The following RCC2 variants were observed in gnomAD, a reference collection of about 807,000 sequenced individuals.
The protein encoded by RCC2 is protein RCC2.
In RCC2, 19 loss-of-function variants were observed where a neutral mutation model predicts 64.1. The observed-to-expected ratio is 0.30, with a 90% CI of 0.21 to 0.44. The LOEUF is 0.44. Among genes scored for constraint, RCC2 ranks in the 20% least tolerant of loss-of-function variants. The probability of loss-of-function intolerance (pLI) is 1.00; values close to 1 mark genes in which losing one functional copy is unlikely to be tolerated. For missense variants in RCC2, 508 were observed against 710.4 expected (o/e 0.72, Z 3.24); for synonymous variants, 325 against 279.6 (o/e 1.16, Z -1.62).
At chr1:17,423,924 G>C (rs1379343895) in intron 4 of RCC2, among the ~76,000 whole-genome samples, 1 of 152,214 alleles carries the variant, frequency 6.6e-6, no homozygotes, top group South Asian at 2.1e-4. Context: ...AAGGAATTGC[G>C]ACGAAGGGAA....
At chr1:17,430,268 G>C (rs1031363509) in intron 2 of RCC2, among the ~76,000 whole-genome samples, 9 of 152,218 alleles carry the variant, frequency 5.9e-5, no homozygotes, top group African/African-American at 2.2e-4. Context: ...TGTAATCCCA[G>C]CACTTTGGAA....
intron 1 of RCC2, 155 bp from the exon 2 acceptor site, chr1:17,438,677 G>A (rs887962153): frequency 2.9e-6 from 2 of 699,440 alleles, no homozygotes; most frequent in Non-Finnish European, 2.0e-6. Flanking sequence ...AGTTGGGAGA[G>A]GAAATCGCGC....
intron 2 of RCC2, among the ~76,000 whole-genome samples, chr1:17,431,362 ATAT>A (rs2075677699): frequency 2.2e-5 from 1 of 44,852 alleles, no homozygotes; most frequent in Non-Finnish European, 4.6e-5. Flanking sequence ...AAAAAAAAAT[ATAT>A]ATATATATAT....
At chr1:17,432,882 C>T (rs1405377101) in intron 2 of RCC2, among the ~76,000 whole-genome samples, 2 of 152,054 alleles carry the variant, frequency 1.3e-5, no homozygotes, top group Non-Finnish European at 2.9e-5. Flanking sequence ...GGCATGAACC[C>T]GGGAGGCGGG....
intron 2 of RCC2, among the ~76,000 whole-genome samples, chr1:17,436,101 TA>T (rs2075733063): frequency 6.6e-6 from 1 of 152,198 alleles, no homozygotes. Context: ...AAGGAAGATG[TA>T]GCTTTTAGAG....
At chr1:17,418,868 G>A (rs561367171) in intron 7 of RCC2, among the ~76,000 whole-genome samples, 49 of 152,244 alleles carry the variant, frequency 3.2e-4, no homozygotes, top group Middle Eastern at 3.4e-3. Flanking sequence ...ATTTGCTATC[G>A]ACACAGTGGA....
At chr1:17,410,904 T>G (rs1163551164) in intron 11 of RCC2, among the ~76,000 whole-genome samples, 2 of 152,146 alleles carry the variant, frequency 1.3e-5, no homozygotes, top group East Asian at 3.9e-4. Context: ...CCAGAAAACA[T>G]CCTTCCTCCT....
chr1:17,419,754 C>T (rs1180519796), intron 7 of RCC2, among the ~76,000 whole-genome samples: 2 of 152,154 alleles, frequency 1.3e-5, no homozygotes, highest in African/African-American at 2.4e-5. Flanking sequence ...GCAGCAGGAG[C>T]GCGCACGTGG....
rs376910701 is a variant in RCC2, at chr1:17,420,802, G to C, written c.771C>G (p.Thr257=). 6.2e-7 allele frequency: 1 copy of C among 1,609,014 alleles called. No homozygotes were observed. The change falls in exon 7 of 13, where the codon ACC becomes ACG. Residue 257 remains threonine, a synonymous_variant. Coordinates refer to ENST00000375436, the MANE Select transcript of RCC2 (RefSeq NM_018715.4). The part of the protein sequence containing the change: ...AQIMYNGQPI[T]KMACGAEFSM... ...TGAATTCAGCCCCACAGGCCATTTT[G>C]GTAATTGGCTGGCCGTTGTACATTA...
intron 4 of RCC2, among the ~76,000 whole-genome samples, chr1:17,425,173 A>G (rs1160007188): frequency 6.6e-6 from 1 of 152,144 alleles, no homozygotes; most frequent in Non-Finnish European, 1.5e-5. Context: ...GTCTCATGTC[A>G]TATCGTGCCT....
At chr1:17,435,870 A>G (rs1413868045) in intron 2 of RCC2, among the ~76,000 whole-genome samples, 1 of 150,936 alleles carries the variant, frequency 6.6e-6, no homozygotes, top group East Asian at 2.0e-4. Flanking sequence ...GTGAGCTGAG[A>G]TCGCAACATT....
At chr1:17,422,915 C>T (rs2075570984) in intron 4 of RCC2, 79 bp from the exon 5 acceptor site, 1 of 1,556,512 alleles carries the variant, frequency 6.4e-7, no homozygotes, top group Non-Finnish European at 8.8e-7. Context: ...AGTACAAACA[C>T]ACTCTCAAAT....
chr1:17,408,866 T>C lies in RCC2; in HGVS notation c.*224A>G, dbSNP rs2075394508. The C allele has an allele frequency of 2.0e-6, 1 of 500,218 alleles. No individual in the cohort carries two copies. The highest frequency in any genetic ancestry group is 3.6e-6 in the Non-Finnish European group (1 of 281,436). The allele number at this position is 500,218 out of a possible 1,614,324, so 31.0% of individuals were successfully genotyped here. On this transcript the variant is annotated 3_prime_UTR_variant, in exon 13 of 13. Coordinates refer to ENST00000375436, the MANE Select transcript of RCC2 (RefSeq NM_018715.4). Reference sequence around the variant, plus strand: ...TGGTAAATCAACTATGAGCAAGTATTTTAATTCAACATTAAGGGAAAAAAA... The same window carrying C: ...TGGTAAATCAACTATGAGCAAGTATCTTAATTCAACATTAAGGGAAAAAAA...
rs2075766506 is a variant in RCC2, at chr1:17,438,396, TCGGGCCGCTCGCGCTTCCTGCCCGC to T, written c.94_118del (p.Ala32SerfsTer68). On this transcript the variant is annotated frameshift_variant, in exon 2 of 13. Transcript: ENST00000375436. LOFTEE classifies it high-confidence loss of function. ...GCCGCCGCTGCTGCTACTGCAGCGCTCGGGCCGCTCGCGCTTCCTGCCCGCCGGGCCGCCGCGTTTCCTGGGCCCG... is the reference window on the plus strand; with the variant it reads ...GCCGCCGCTGCTGCTACTGCAGCGCTCGGGCCGCCGCGTTTCCTGGGCCCG... 7.9e-7 allele frequency: 1 copy of T among 1,259,634 alleles called. No homozygotes were observed. Among genetic ancestry groups the T allele is most frequent in the Non-Finnish European group, 9.9e-7 (1 of 1,006,396 alleles). 78.0% of individuals were successfully genotyped at this position (1,259,634 alleles called of 1,614,324 possible). A position where few individuals can be genotyped will look rare whatever the true frequency, so the allele number is the denominator to read the frequency against.
chr1:17,438,552 A>G (rs750906813), intron 1 of RCC2, 30 bp from the exon 2 acceptor site: 5 of 1,300,558 alleles, frequency 3.8e-6, no homozygotes, highest in Non-Finnish European at 4.9e-6. Flanking sequence ...AGCGGCGCAC[A>G]ATGGACGGGT....
intron 7 of RCC2, 135 bp downstream of exon 7, chr1:17,420,578 TC>T: frequency 9.8e-6 from 5 of 512,414 alleles, no homozygotes; most frequent in South Asian, 4.2e-5. Context: ...GAACGTGAGA[TC>T]CACTTAACGG....
At chr1:17,410,767 A>G (rs1265255035) in intron 11 of RCC2, among the ~76,000 whole-genome samples, 5 of 152,096 alleles carry the variant, frequency 3.3e-5, no homozygotes, top group Non-Finnish European at 5.9e-5. Flanking sequence ...CTTCCCACAC[A>G]GTAGATGTTC....
intron 6 of RCC2, among the ~76,000 whole-genome samples, chr1:17,421,119 A>G (rs1294310129): frequency 6.6e-6 from 1 of 152,108 alleles, no homozygotes; most frequent in African/African-American, 2.4e-5. Context: ...CTAGACCACT[A>G]ATTAGGCACT....
intron 2 of RCC2, among the ~76,000 whole-genome samples, chr1:17,431,512 AAAAAAAAAAGAAAGAAAGAAAAAG>A (rs1432640223): frequency 6.9e-6 from 1 of 144,342 alleles, no homozygotes; most frequent in Non-Finnish European, 1.5e-5. Context: ...AAAAAAAAAA[AAAAAAAAAAGAAAGAAAGAAAAAG>A]AAAAAAGGGC....
Sources: allele counts gnomAD v4.1 joint callset (sites outside exome capture counted in the v4.1 genomes callset), GRCh38; gene constraint gnomAD v4.1.1; transcripts MANE v1.5; gene names NCBI Gene and HGNC (gene_info 2026-07-23, HGNC 2026-07-21).